The following TRNAU1AP variants were observed in gnomAD, a reference collection of about 807,000 sequenced individuals.
TRNAU1AP encodes the protein tRNA selenocysteine 1 associated protein 1, also known as tRNA selenocysteine 1-associated protein 1.
TRNAU1AP carries 33 observed loss-of-function variants against 43.3 expected under a neutral mutation model. The observed-to-expected ratio is 0.76, with a 90% CI of 0.58 to 1.02. TRNAU1AP has a LOEUF of 1.02. Among genes scored for constraint, TRNAU1AP ranks in the 50% least tolerant of loss-of-function variants. TRNAU1AP has a pLI of 0.00. For missense variants in TRNAU1AP, 290 were observed against 362.7 expected (o/e 0.80, Z 1.63); for synonymous variants, 143 against 129.1 (o/e 1.11, Z -0.73).
chr1:28,570,011 A>G (rs547167426), intron 6 of TRNAU1AP, among the ~76,000 whole-genome samples: 2 of 151,174 alleles, frequency 1.3e-5, no homozygotes, highest in East Asian at 3.9e-4. Context: ...AACAACAACA[A>G]AAAAAACGAA....
At chr1:28,576,671 C>T (rs1186794070) in intron 8 of TRNAU1AP, among the ~76,000 whole-genome samples, 1 of 152,012 alleles carries the variant, frequency 6.6e-6, no homozygotes, top group Admixed American at 6.6e-5. Flanking sequence ...GCCATCTCGG[C>T]TCACCGCAAC....
chr1:28,564,214 C>T (rs1023168976), intron 4 of TRNAU1AP, among the ~76,000 whole-genome samples: 2 of 152,096 alleles, frequency 1.3e-5, no homozygotes, highest in Non-Finnish European at 1.5e-5. Flanking sequence ...TGAAGTGACC[C>T]CAGATCACAC....
intron 8 of TRNAU1AP, among the ~76,000 whole-genome samples, chr1:28,574,955 C>A (rs574106300): frequency 2.1e-5 from 3 of 143,002 alleles, no homozygotes; most frequent in African/African-American, 5.0e-5. Flanking sequence ...CTCCATTTCA[C>A]AGATGGGAAA....
At chr1:28,566,943 CTG>C (rs1353935976) in intron 5 of TRNAU1AP, among the ~76,000 whole-genome samples, 1 of 152,228 alleles carries the variant, frequency 6.6e-6, no homozygotes, top group Non-Finnish European at 1.5e-5. Context: ...ACAGGGCAGA[CTG>C]TAAATATTTG....
chr1:28,568,986 A>G (rs1665601566), intron 6 of TRNAU1AP, among the ~76,000 whole-genome samples: 1 of 151,784 alleles, frequency 6.6e-6, no homozygotes, highest in Non-Finnish European at 1.5e-5. Context: ...TAATTTTTGT[A>G]TTTTTAGTAG....
intron 8 of TRNAU1AP, among the ~76,000 whole-genome samples, chr1:28,572,842 G>A (rs1453982928): frequency 6.6e-6 from 1 of 151,538 alleles, no homozygotes; most frequent in Non-Finnish European, 1.5e-5. Flanking sequence ...GGCTGAGGCA[G>A]GAGAATGGCG....
At chr1:28,569,831 CAAA>C (rs760723401) in intron 6 of TRNAU1AP, among the ~76,000 whole-genome samples, 16 of 106,338 alleles carry the variant, frequency 1.5e-4, no homozygotes, top group African/African-American at 4.4e-4. Flanking sequence ...CTAAAAATAC[CAAA>C]AAAAAAAAAA....
intron 6 of TRNAU1AP, among the ~76,000 whole-genome samples, chr1:28,569,145 G>A (rs1665605821): frequency 6.6e-6 from 1 of 152,082 alleles, no homozygotes; most frequent in Admixed American, 6.6e-5. Context: ...TGATTTAGGG[G>A]TTCTTTATGG....
chr1:28,571,822 A>C (rs1236639411), intron 7 of TRNAU1AP, 45 bp from the exon 8 acceptor site: 1 of 1,520,092 alleles, frequency 6.6e-7, no homozygotes, highest in Non-Finnish European at 9.0e-7. Flanking sequence ...GTCCTGGGCC[A>C]GGATTTCACC....
In TRNAU1AP at chr1:28,555,307, T is replaced by C. The variant is rs550243994; in HGVS notation, c.125+1570T>C. Among the ~76,000 whole-genome samples the C allele has an allele frequency of 7.2e-5, 11 of 152,158 alleles. No homozygotes were observed. In the South Asian group the frequency reaches 8.3e-4, roughly 11 times the overall value. ...ACATTCCTGGCTGAAATAATCCAGATATAGCCCCTGCTCATGGAGTTTACT... is the reference window on the plus strand; with the variant it reads ...ACATTCCTGGCTGAAATAATCCAGACATAGCCCCTGCTCATGGAGTTTACT... On this transcript the variant is annotated intron_variant, in intron 2 of 8. Transcript: ENST00000373830.
intron 8 of TRNAU1AP, among the ~76,000 whole-genome samples, chr1:28,575,085 T>G (rs1665744543): frequency 2.6e-5 from 4 of 152,216 alleles, no homozygotes; most frequent in Admixed American, 2.6e-4. Flanking sequence ...GACATTGCCT[T>G]CTTTCTAGAG....
chr1:28,561,143 C>CG, intron 3 of TRNAU1AP: 32 of 1,419,546 alleles, frequency 2.3e-5, no homozygotes, highest in Non-Finnish European at 2.9e-5. Flanking sequence ...CCAGCTGGCA[C>CG]ACCTGGGCTC....
intron 2 of TRNAU1AP, among the ~76,000 whole-genome samples, chr1:28,554,713 G>A (rs1557430420): frequency 6.6e-6 from 1 of 151,734 alleles, no homozygotes; most frequent in African/African-American, 2.4e-5. Context: ...GCATGGTGGC[G>A]GGCACTTGTA....
At chr1:28,555,641 A>C (rs1365011011) in intron 2 of TRNAU1AP, among the ~76,000 whole-genome samples, 1 of 151,452 alleles carries the variant, frequency 6.6e-6, no homozygotes, top group Non-Finnish European at 1.5e-5. Flanking sequence ...ACTCTACTAC[A>C]TGTGGCTTGC....
chr1:28,554,792 C>G (rs1482604718), intron 2 of TRNAU1AP, among the ~76,000 whole-genome samples: 2 of 149,724 alleles, frequency 1.3e-5, no homozygotes, highest in Non-Finnish European at 3.0e-5. Context: ...TGCAGTGAGC[C>G]GAGATCGCTC....
At chr1:28,572,039 T>C in intron 8 of TRNAU1AP, 139 bp downstream of exon 8, 1 of 777,506 alleles carries the variant, frequency 1.3e-6, no homozygotes, top group Non-Finnish European at 2.3e-6. Flanking sequence ...GCCAGACAAA[T>C]ATGTAATTAT....
intron 5 of TRNAU1AP, among the ~76,000 whole-genome samples, chr1:28,566,131 A>G (rs972509044): frequency 6.6e-6 from 1 of 151,946 alleles, no homozygotes; most frequent in Non-Finnish European, 1.5e-5. Flanking sequence ...CCTGGCCAAC[A>G]TGGTGAAACC....
At chr1:28,571,786 A>AAAAAAAAAAAAAAAAAATAAAAAAAAAAT in intron 7 of TRNAU1AP, 81 bp from the exon 8 acceptor site, 1 of 1,008,580 alleles carries the variant, frequency 9.9e-7, no homozygotes, top group Non-Finnish European at 1.5e-6. Flanking sequence ...CCACCTCAAA[A>AAAAAAAAAAAAAAAAAATAAAAAAAAAAT]AAAATAAAAA....
At chr1:28,561,189 A>G in intron 3 of TRNAU1AP, 157 bp from the exon 4 acceptor site, 10 of 1,458,068 alleles carry the variant, frequency 6.9e-6, no homozygotes, top group Non-Finnish European at 8.1e-6. Context: ...CTTAGCGGTC[A>G]TCCGTGCAAC....
Sources: allele counts gnomAD v4.1 joint callset (sites outside exome capture counted in the v4.1 genomes callset), GRCh38; gene constraint gnomAD v4.1.1; transcripts MANE v1.5; gene names NCBI Gene and HGNC (gene_info 2026-07-23, HGNC 2026-07-21).